The following RPS6KL1 variants were observed in gnomAD, a reference collection of about 807,000 sequenced individuals.
RPS6KL1 encodes ribosomal protein S6 kinase like 1, also known as ribosomal protein S6 kinase-like 1.
A neutral mutation model predicts 57.0 loss-of-function variants in RPS6KL1; 41 were observed. That is an observed-to-expected ratio of 0.72 (90% CI 0.56 to 0.93). RPS6KL1 has a LOEUF of 0.93. RPS6KL1 is among the 40% of genes least tolerant of loss of function. The probability of loss-of-function intolerance (pLI) is 0.00; values close to 1 mark genes in which losing one functional copy is unlikely to be tolerated. For synonymous variants in RPS6KL1, 287 were observed against 309.7 expected (o/e 0.93, Z 0.77); for missense variants, 697 against 727.7 (o/e 0.96, Z 0.49).
At chr14:74,909,033 G>C in intron 9 of RPS6KL1, 68 bp downstream of exon 9, 1 of 1,585,054 alleles carries the variant, frequency 6.3e-7, no homozygotes, top group Non-Finnish European at 8.7e-7. Context: ...GTCATTCTCA[G>C]ACTCTGGGCA....
intron 5 of RPS6KL1, among the ~76,000 whole-genome samples, chr14:74,917,156 A>G (rs1886991121): frequency 6.6e-6 from 1 of 152,268 alleles, no homozygotes; most frequent in Non-Finnish European, 1.5e-5. Context: ...CGTGCCTCCC[A>G]GCTCACTCCT....
chr14:74,914,637 A>C (rs1223689228), intron 5 of RPS6KL1, among the ~76,000 whole-genome samples: 1 of 152,244 alleles, frequency 6.6e-6, no homozygotes, highest in Non-Finnish European at 1.5e-5. Context: ...TTTCCCATTC[A>C]TCCAACCAAA....
At chr14:74,919,732 C>T in intron 4 of RPS6KL1, 113 bp downstream of exon 4, 2 of 1,194,284 alleles carry the variant, frequency 1.7e-6, no homozygotes, top group East Asian at 2.5e-5. Flanking sequence ...ATGACTTCCA[C>T]TGCCGGCCTC....
At chr14:74,909,321 G>A in intron 8 of RPS6KL1, 131 bp from the exon 9 acceptor site, 1 of 1,033,078 alleles carries the variant, frequency 9.7e-7, no homozygotes, top group East Asian at 2.6e-5. Context: ...CTCGGCAGGG[G>A]CACAGCACCC....
chr14:74,906,119 G>A lies in RPS6KL1; in HGVS notation c.*895C>T, dbSNP rs1884766790. On this transcript the variant is annotated 3_prime_UTR_variant, in exon 12 of 12. Transcript: ENST00000557413. The stretch of plus-strand genomic sequence containing the variant: ...AGGGCATGAAGTCACAGTAGGCAGT[G>A]ACATGGTAAACAGCCAGGGCCTGAG... The A allele has an allele frequency of 5.1e-6, 1 of 197,104 alleles. No individual in the cohort carries two copies. Among genetic ancestry groups the A allele is most frequent in the Non-Finnish European group, 1.1e-5 (1 of 93,506 alleles). 12.2% of individuals were successfully genotyped at this position (197,104 alleles called of 1,614,324 possible).
intron 4 of RPS6KL1, among the ~76,000 whole-genome samples, chr14:74,919,314 G>GT (rs1195336007): frequency 6.6e-6 from 1 of 152,266 alleles, no homozygotes; most frequent in Admixed American, 6.5e-5. Flanking sequence ...GGAGGGCTGC[G>GT]TGAGTACGCG....
chr14:74,905,065 AAT>A lies in RPS6KL1; in HGVS notation c.*1947_*1948del, dbSNP rs1884547777. 6.6e-6 allele frequency: 1 copy of A among 151,584 alleles called. No individual in the cohort carries two copies. 9.4% of individuals were successfully genotyped at this position (151,584 alleles called of 1,614,324 possible). A position where few individuals can be genotyped will look rare whatever the true frequency, so the allele number is the denominator to read the frequency against. ...AACAGGATTTGGTGTTAGAAGCTTT[AAT>A]TTATCTATCTGGTAAACCTGCAAAA... is the stretch of plus-strand genomic sequence containing the variant. On this transcript the variant is annotated 3_prime_UTR_variant, in exon 12 of 12. Transcript: ENST00000557413.
At chr14:74,913,826 G>A (rs1283195143) in intron 5 of RPS6KL1, among the ~76,000 whole-genome samples, 5 of 152,248 alleles carry the variant, frequency 3.3e-5, no homozygotes, top group African/African-American at 4.8e-5. Flanking sequence ...AGTGTCATCC[G>A]AGGGGAAGCC....
At chr14:74,912,800 G>C (rs1275486327) in intron 5 of RPS6KL1, among the ~76,000 whole-genome samples, 4 of 152,256 alleles carry the variant, frequency 2.6e-5, no homozygotes, top group Non-Finnish European at 5.9e-5. Flanking sequence ...TTGGAGAGCA[G>C]CCTCTCCTTC....
chr14:74,909,483 C>G, intron 8 of RPS6KL1, 60 bp downstream of exon 8: 1 of 1,526,776 alleles, frequency 6.5e-7, no homozygotes, highest in Non-Finnish European at 8.8e-7. Context: ...TTGGGGATCT[C>G]TCGTCCTCTG....
rs1045630618 is a variant in RPS6KL1, at chr14:74,905,044, G to C, written c.*1970C>G. On this transcript the variant is annotated 3_prime_UTR_variant, in exon 12 of 12. Coordinates refer to ENST00000557413, the MANE Select transcript of RPS6KL1 (RefSeq NM_031464.5). ...ATTAGGTTGAATGAAAGGAAGAACA[G>C]GATTTGGTGTTAGAAGCTTTAATTT... 2 of 152,126 alleles carry C rather than the reference G, an allele frequency of 1.3e-5. No homozygotes were observed. The highest frequency in any genetic ancestry group is 4.8e-5 in the African/African-American group (2 of 41,392). 9.4% of individuals were successfully genotyped at this position (152,126 alleles called of 1,614,324 possible).
At chr14:74,912,608 C>A (rs147288087) in intron 5 of RPS6KL1, among the ~76,000 whole-genome samples, 1 of 152,154 alleles carries the variant, frequency 6.6e-6, no homozygotes, top group Non-Finnish European at 1.5e-5. Context: ...GTCTCCCCAG[C>A]GCAGCCATGT....
intron 5 of RPS6KL1, among the ~76,000 whole-genome samples, chr14:74,913,549 C>T (rs1269182748): frequency 6.6e-6 from 1 of 151,924 alleles, no homozygotes; most frequent in Non-Finnish European, 1.5e-5. Flanking sequence ...GAGACAGACT[C>T]CATCTCAAAA....
In RPS6KL1 at chr14:74,918,571, G is replaced by A. The variant is rs1486152734; in HGVS notation, c.425C>T (p.Thr142Met). Residue 142 changes from threonine (T) to methionine (M), a missense_variant, in exon 5 of 12, where the codon ACG becomes ATG. Thr to Met is a moderately conservative substitution (Grantham distance 81, BLOSUM62 -1). Coordinates refer to ENST00000557413, the MANE Select transcript of RPS6KL1 (RefSeq NM_031464.5). ...CAGCTGCTCCACGGCAGAGCTCAGCGTGCGAATGGGCCGGAGCCTCAGGCT... is the reference window on the plus strand; with the variant it reads ...CAGCTGCTCCACGGCAGAGCTCAGCATGCGAATGGGCCGGAGCCTCAGGCT... ...FSSLRLRPIR[T>M]LSSAVEQLRG... 56 of 1,534,284 alleles carry A rather than the reference G, an allele frequency of 3.6e-5. No homozygotes were observed. Among genetic ancestry groups the A allele is most frequent in the Non-Finnish European group, 4.5e-5 (52 of 1,146,120 alleles).
At chr14:74,917,254 A>ATTGGGG (rs1887004453) in intron 5 of RPS6KL1, among the ~76,000 whole-genome samples, 1 of 152,248 alleles carries the variant, frequency 6.6e-6, no homozygotes, top group African/African-American at 2.4e-5. Context: ...TTTACCTCCC[A>ATTGGGG]GATCACCCCA....
rs778983830 is a variant in RPS6KL1, at chr14:74,918,495, G to A, written c.483+18C>T. 9.3e-5 allele frequency: 140 copies of A among 1,503,970 alleles called. 1 individual carries two copies. In the African/African-American group the frequency reaches 1.9e-3, roughly 20 times the overall value. 93.2% of individuals were successfully genotyped at this position (1,503,970 alleles called of 1,614,324 possible). A position where few individuals can be genotyped will look rare whatever the true frequency, so the allele number is the denominator to read the frequency against. On this transcript the variant is annotated intron_variant, in intron 5 of 11. Transcript: ENST00000557413. ...ATACACTGTCTCCCTCCTGCAAGGC[G>A]AGTGTCCACTCACTCACCTTCTCGA...
chr14:74,920,540 T>C lies in RPS6KL1; in HGVS notation c.266-571A>G, dbSNP rs368957362. ...CTCAGCACCAGCCTCTCCCCTGACATGGAAGTTCCTCATGCTGCCCTGGAG... is the reference window on the plus strand; with the variant it reads ...CTCAGCACCAGCCTCTCCCCTGACACGGAAGTTCCTCATGCTGCCCTGGAG... On this transcript the variant is annotated intron_variant, in intron 3 of 11. Transcript: ENST00000557413. Among the ~76,000 whole-genome samples, 60 of 152,296 alleles carry C rather than the reference T, an allele frequency of 3.9e-4. 1 individual carries two copies. Among genetic ancestry groups the C allele is most frequent in the African/African-American group, 1.3e-3 (52 of 41,564 alleles).
intron 1 of RPS6KL1, among the ~76,000 whole-genome samples, 166 bp downstream of exon 1, chr14:74,923,014 G>A (rs1296470498): frequency 6.6e-6 from 1 of 152,176 alleles, no homozygotes; most frequent in Non-Finnish European, 1.5e-5. Context: ...CCACCCCGCC[G>A]GGCAGGGTCC....
chr14:74,914,445 C>T (rs1403659529), intron 5 of RPS6KL1, among the ~76,000 whole-genome samples: 7 of 152,228 alleles, frequency 4.6e-5, no homozygotes, highest in Non-Finnish European at 1.0e-4. Flanking sequence ...AGAAATAAAC[C>T]TTGATCCATA....
Sources: allele counts gnomAD v4.1 joint callset (sites outside exome capture counted in the v4.1 genomes callset), GRCh38; gene constraint gnomAD v4.1.1; transcripts MANE v1.5; gene names NCBI Gene and HGNC (gene_info 2026-07-23, HGNC 2026-07-21).